The following SPATA21 variants were observed in gnomAD, a reference collection of about 807,000 sequenced individuals.
SPATA21 encodes spermatogenesis associated 21, also known as spermatogenesis-associated protein 21.
SPATA21 carries 47 observed loss-of-function variants against 54.8 expected under a neutral mutation model. That is an observed-to-expected ratio of 0.86 (90% CI 0.68 to 1.09). The LOEUF (loss-of-function observed/expected upper bound fraction) is 1.09, where lower values mean the gene tolerates loss of function less well. SPATA21 is among the 50% of genes least tolerant of loss of function. SPATA21 has a pLI of 0.00. For synonymous variants in SPATA21, 245 were observed against 235.3 expected, an observed-to-expected ratio of 1.04 and a Z score of -0.38; for missense variants, 599 against 596.4, an observed-to-expected ratio of 1.00 and a Z score of -0.05.
intron 10 of SPATA21, among the ~76,000 whole-genome samples, chr1:16,401,310 G>A (rs1451252646): frequency 2.0e-5 from 3 of 152,110 alleles, no homozygotes; most frequent in Admixed American, 6.6e-5. Flanking sequence ...GGGGCGTGGC[G>A]GGGAGACAGA....
intron 12 of SPATA21, 77 bp from the exon 13 acceptor site, chr1:16,398,899 C>T (rs1407264275): frequency 1.0e-5 from 15 of 1,456,868 alleles, no homozygotes; most frequent in East Asian, 2.4e-5. Flanking sequence ...GCCATCTGTG[C>T]GTGCCCAAGT....
At chr1:16,400,961 ATC>A (rs1157190970) in intron 10 of SPATA21, 69 bp from the exon 11 acceptor site, 4 of 1,539,734 alleles carry the variant, frequency 2.6e-6, no homozygotes, top group Non-Finnish European at 3.5e-6. Context: ...CTCAGCCCCT[ATC>A]TCTCTGGCCA....
chr1:16,427,731 A>G, intron 3 of SPATA21: 1 of 959,304 alleles, frequency 1.0e-6, no homozygotes, highest in South Asian at 2.0e-5. Context: ...GGTGCAATGA[A>G]AGAGAAGGAC....
At chr1:16,424,483 G>A (rs1011795505) in intron 3 of SPATA21, among the ~76,000 whole-genome samples, 3 of 151,612 alleles carry the variant, frequency 2.0e-5, no homozygotes, top group Non-Finnish European at 4.4e-5. Context: ...ACAGTGGTGT[G>A]ATCTTGGCTC....
chr1:16,398,451 G>T (rs187782711), downstream of SPATA21, among the ~76,000 whole-genome samples: 23 of 152,296 alleles, frequency 1.5e-4, 1 homozygote, highest in Admixed American at 1.0e-3. Context: ...GTCCAGAGGG[G>T]GATGTGCTCA....
chr1:16,435,918 T>G (rs1335011873), intron 1 of SPATA21, among the ~76,000 whole-genome samples: 1 of 152,198 alleles, frequency 6.6e-6, no homozygotes, highest in Non-Finnish European at 1.5e-5. Context: ...ATTTTCACCT[T>G]TTTGTCTTTT....
intron 5 of SPATA21, among the ~76,000 whole-genome samples, chr1:16,414,492 T>C (rs1443911980): frequency 1.3e-5 from 2 of 152,236 alleles, no homozygotes; most frequent in African/African-American, 4.8e-5. Context: ...TCAATATGTA[T>C]GTTAACTAAA....
intron 5 of SPATA21, among the ~76,000 whole-genome samples, chr1:16,410,574 C>A (rs559269472): frequency 1.3e-5 from 2 of 152,276 alleles, no homozygotes; most frequent in South Asian, 4.1e-4. Context: ...CCATGCCCAG[C>A]TAATTTTTAT....
At chr1:16,425,804 G>T in intron 3 of SPATA21, 1 of 1,345,804 alleles carries the variant, frequency 7.4e-7, no homozygotes, top group Non-Finnish European at 1.0e-6. Context: ...TACAGGGCTA[G>T]GCATACCATA....
Position 16,435,463 on chromosome 1 carries a change from T to C in SPATA21, c.-187+1665A>G, listed in dbSNP as rs370736159. On this transcript the variant is annotated intron_variant, in intron 1 of 12. Transcript: ENST00000335496. ...TCCCTAGTAGCTGGGATTACAGGTG[T>C]GTGCCACCACACCAGACTAATTTTT... Among the ~76,000 whole-genome samples the C allele has an allele frequency of 3.8e-4, 58 of 152,050 alleles. No individual in the cohort carries two copies. The East Asian group carries it at 6.6e-3, about 17-fold the overall frequency.
intron 11 of SPATA21, chr1:16,400,518 C>A: frequency 4.5e-6 from 6 of 1,347,460 alleles, no homozygotes; most frequent in Non-Finnish European, 5.7e-6. Context: ...AGGAGTCCAA[C>A]GCAGGAGGCC....
downstream of SPATA21, chr1:16,398,518 G>A (rs573653313): frequency 5.8e-6 from 3 of 519,394 alleles, no homozygotes; most frequent in South Asian, 2.0e-5. Flanking sequence ...AAGACTGCAC[G>A]CAGGGGCACC....
At chr1:16,423,880 C>G (rs2086243270) in intron 3 of SPATA21, among the ~76,000 whole-genome samples, 1 of 151,778 alleles carries the variant, frequency 6.6e-6, no homozygotes, top group South Asian at 2.1e-4. Context: ...GTGAACGAAG[C>G]CAGACAGAAA....
intron 1 of SPATA21, 113 bp from the exon 2 acceptor site, chr1:16,433,037 C>T (rs1398080283): frequency 6.6e-6 from 1 of 152,280 alleles, no homozygotes; most frequent in Non-Finnish European, 1.5e-5. Flanking sequence ...CCCATGGCCA[C>T]TCATCTCATC....
chr1:16,417,678 G>A (rs1299728281), intron 5 of SPATA21, among the ~76,000 whole-genome samples: 2 of 151,790 alleles, frequency 1.3e-5, no homozygotes, highest in African/African-American at 2.4e-5. Flanking sequence ...CAGGTGATCC[G>A]CCCACCTCGG....
chr1:16,420,414 C>T (rs1278857937), intron 5 of SPATA21, among the ~76,000 whole-genome samples: 1 of 151,802 alleles, frequency 6.6e-6, no homozygotes, highest in East Asian at 1.9e-4. Context: ...GTCCCAGCTA[C>T]TCAGGAGGCT....
Position 16,403,706 on chromosome 1 carries a change from C to T in SPATA21, c.1001+21G>A, listed in dbSNP as rs1385382142. 3.7e-6 allele frequency: 6 copies of T among 1,604,550 alleles called. No homozygotes were observed. The Admixed American group carries it at 5.0e-5, about 13-fold the overall frequency. Reference sequence around the variant, plus strand: ...CCTCTGTGTCCACAACCCTTCACCCCCAACAACCGGCCCCACTCACTTTGT... The same window carrying T: ...CCTCTGTGTCCACAACCCTTCACCCTCAACAACCGGCCCCACTCACTTTGT... On this transcript the variant is annotated intron_variant, in intron 10 of 12. Transcript: ENST00000335496.
Position 16,400,997 on chromosome 1 carries a change from T to G in SPATA21, c.1002-105A>C, listed in dbSNP as rs548660587. ...CAGCTCTGGAGCAGGAACACAAGCC[T>G]AGGAGTCAGGAAACCTGGCTTCTAG... On this transcript the variant is annotated intron_variant, in intron 10 of 12. Transcript: ENST00000335496. The G allele has an allele frequency of 9.7e-5, 134 of 1,387,732 alleles. No individual in the cohort carries two copies. In the African/African-American group the frequency reaches 1.5e-3, roughly 16 times the overall value. 86.0% of individuals were successfully genotyped at this position (1,387,732 alleles called of 1,614,324 possible).
Position 16,415,591 on chromosome 1 carries a change from G to C in SPATA21, c.145-5548C>G, listed in dbSNP as rs1030592387. On this transcript the variant is annotated intron_variant, in intron 5 of 12. Coordinates refer to ENST00000335496, the MANE Select transcript of SPATA21 (RefSeq NM_198546.1). ...TATTCTTTTTTAGAGACGGAGTCTC[G>C]CTCTGTCACCCAGGCTGGAGTGTGT... is the stretch of plus-strand genomic sequence containing the variant. 2.6e-4 allele frequency among the ~76,000 whole-genome samples: 39 copies of C among 152,144 alleles called. 1 individual carries two copies. Among genetic ancestry groups the C allele is most frequent in the Admixed American group, 3.3e-4 (5 of 15,276 alleles).
Sources: allele counts gnomAD v4.1 joint callset (sites outside exome capture counted in the v4.1 genomes callset), GRCh38; gene constraint gnomAD v4.1.1; transcripts MANE v1.5; gene names NCBI Gene and HGNC (gene_info 2026-07-23, HGNC 2026-07-21).